Variants in EXOC6B observed in about 807,000 individuals in gnomAD.
EXOC6B encodes the protein SEC15 homolog B.
A neutral mutation model predicts 113.5 loss-of-function variants in EXOC6B; 54 were observed. The observed-to-expected ratio is 0.48, with a 90% CI of 0.38 to 0.60. The LOEUF (loss-of-function observed/expected upper bound fraction) is 0.60. Ranked by LOEUF, EXOC6B falls within the 20% of genes least tolerant of loss-of-function variation. The probability of loss-of-function intolerance (pLI) is 0.00; values close to 1 mark genes in which losing one functional copy is unlikely to be tolerated. For synonymous variants in EXOC6B, 357 were observed against 339.0 expected, an observed-to-expected ratio of 1.05 and a Z score of -0.58; for missense variants, 797 against 977.5, an observed-to-expected ratio of 0.82 and a Z score of 2.46.
intron 19 of EXOC6B, among the ~76,000 whole-genome samples, chr2:72,378,157 C>G (rs1375572327): frequency 2.0e-5 from 3 of 152,186 alleles, no homozygotes; most frequent in African/African-American, 7.2e-5. Context: ...CCTCCAGTGG[C>G]TGTTCTCTGC....
chr2:72,427,637 C>T (rs1011425166), intron 18 of EXOC6B, among the ~76,000 whole-genome samples: 1 of 152,200 alleles, frequency 6.6e-6, no homozygotes, highest in South Asian at 2.1e-4. Flanking sequence ...GAACTCAGCA[C>T]TGGCTTGCAG....
At chr2:72,450,274 T>A (rs1303464392) in intron 18 of EXOC6B, among the ~76,000 whole-genome samples, 1 of 152,172 alleles carries the variant, frequency 6.6e-6, no homozygotes, top group African/African-American at 2.4e-5. Context: ...GTGGATATGA[T>A]CACTTTGTCG....
At chr2:72,631,457 TATATAGAGAGAGAGAGAG>T (rs1672447684) in intron 6 of EXOC6B, among the ~76,000 whole-genome samples, 20 of 10,642 alleles carry the variant, frequency 1.9e-3, no homozygotes, top group African/African-American at 3.3e-3. Context: ...TATATATATA[TATATAGAGAGAGAGAGAG>T]AGAGAGAGAG....
chr2:72,543,583 G>A (rs1702734971), intron 8 of EXOC6B, among the ~76,000 whole-genome samples: 1 of 152,100 alleles, frequency 6.6e-6, no homozygotes, highest in Non-Finnish European at 1.5e-5. Context: ...TAAATGATAT[G>A]TATGCCCATG....
At chr2:72,298,085 G>A (rs977560827) in intron 20 of EXOC6B, among the ~76,000 whole-genome samples, 2 of 152,086 alleles carry the variant, frequency 1.3e-5, no homozygotes, top group Non-Finnish European at 2.9e-5. Flanking sequence ...ACTGACAGTG[G>A]GGTGTTAAAG....
chr2:72,743,207 A>G (rs1281035082), intron 1 of EXOC6B, among the ~76,000 whole-genome samples: 1 of 152,046 alleles, frequency 6.6e-6, no homozygotes, highest in Non-Finnish European at 1.5e-5. Flanking sequence ...CTACATTACC[A>G]CCACAATGGA....
At chr2:72,628,833 A>T (rs1343536973) in intron 6 of EXOC6B, among the ~76,000 whole-genome samples, 1 of 152,204 alleles carries the variant, frequency 6.6e-6, no homozygotes, top group Admixed American at 6.5e-5. Flanking sequence ...CGTTGTTACA[A>T]GAGCCAGAAA....
chr2:72,355,493 C>A (rs924342231), intron 19 of EXOC6B, among the ~76,000 whole-genome samples: 1 of 152,110 alleles, frequency 6.6e-6, no homozygotes, highest in African/African-American at 2.4e-5. Flanking sequence ...AAGCAAGAGA[C>A]AAAATTCATT....
At chr2:72,676,356 C>T (rs1394971467) in intron 6 of EXOC6B, among the ~76,000 whole-genome samples, 1 of 152,184 alleles carries the variant, frequency 6.6e-6, no homozygotes, top group Admixed American at 6.5e-5. Flanking sequence ...GTACTCCCCA[C>T]AGGATCAAAA....
chr2:72,798,083 A>G (rs1685071127), intron 1 of EXOC6B, among the ~76,000 whole-genome samples: 1 of 152,112 alleles, frequency 6.6e-6, no homozygotes, highest in Non-Finnish European at 1.5e-5. Flanking sequence ...CTGCTCTCTT[A>G]ATTTTGTCTT....
intron 6 of EXOC6B, among the ~76,000 whole-genome samples, chr2:72,660,144 T>C (rs1333497284): frequency 1.3e-5 from 2 of 149,702 alleles, no homozygotes; most frequent in Non-Finnish European, 3.0e-5. Context: ...GTCTACTAAA[T>C]AGGGAGTACT....
intron 16 of EXOC6B, among the ~76,000 whole-genome samples, chr2:72,491,151 C>T (rs972411608): frequency 2.6e-5 from 4 of 152,082 alleles, no homozygotes; most frequent in African/African-American, 9.7e-5. Context: ...AGGCAAATGC[C>T]TAATATTTCT....
intron 18 of EXOC6B, among the ~76,000 whole-genome samples, chr2:72,396,803 G>A (rs892054910): frequency 2.0e-5 from 3 of 151,974 alleles, no homozygotes; most frequent in Admixed American, 1.3e-4. Flanking sequence ...CTGCCAAATT[G>A]TGTTATTGAA....
At chr2:72,708,896 ATTT>A (rs1159794341) in intron 6 of EXOC6B, among the ~76,000 whole-genome samples, 2 of 69,802 alleles carry the variant, frequency 2.9e-5, no homozygotes, top group African/African-American at 1.1e-4. Context: ...CATCCAGCTA[ATTT>A]TTTTTTTTTT....
intron 18 of EXOC6B, among the ~76,000 whole-genome samples, chr2:72,393,052 G>A (rs1472895574): frequency 6.6e-6 from 1 of 151,944 alleles, no homozygotes; most frequent in South Asian, 2.1e-4. Context: ...GGAAAAAGGG[G>A]AACTTAATGA....
intron 16 of EXOC6B, among the ~76,000 whole-genome samples, chr2:72,484,594 T>G: frequency 7.3e-6 from 1 of 137,058 alleles, no homozygotes; most frequent in South Asian, 2.5e-4. Flanking sequence ...AAAAATTCCC[T>G]CCCCTCATCC....
chr2:72,373,765 A>G (rs1192039670), intron 19 of EXOC6B, among the ~76,000 whole-genome samples: 1 of 152,210 alleles, frequency 6.6e-6, no homozygotes, highest in East Asian at 1.9e-4. Context: ...AGGCAATAAC[A>G]AATGCTGGAA....
At chr2:72,677,346 C>A (rs898196164) in intron 6 of EXOC6B, among the ~76,000 whole-genome samples, 2 of 151,686 alleles carry the variant, frequency 1.3e-5, no homozygotes, top group African/African-American at 4.8e-5. Flanking sequence ...GCCTGGGCAA[C>A]ATGGTGAAAC....
chr2:72,787,688 T>G (rs1463640439), intron 1 of EXOC6B, among the ~76,000 whole-genome samples: 1 of 152,202 alleles, frequency 6.6e-6, no homozygotes, highest in Non-Finnish European at 1.5e-5. Context: ...GGTCTCACTC[T>G]GCTGCCCAAG....
Sources: allele counts gnomAD v4.1 joint callset (sites outside exome capture counted in the v4.1 genomes callset), GRCh38; gene constraint gnomAD v4.1.1; transcripts MANE v1.5; gene names NCBI Gene and HGNC (gene_info 2026-07-23, HGNC 2026-07-21).